The following TRIP11 variants were observed in gnomAD, a reference collection of about 807,000 sequenced individuals.
The protein encoded by TRIP11 is thyroid receptor-interacting protein 11.
TRIP11 carries 148 observed loss-of-function variants against 223.1 expected under a neutral mutation model. That is an observed-to-expected ratio of 0.66 (90% CI 0.58 to 0.76). The LOEUF is 0.76. Ranked by LOEUF, TRIP11 falls within the 30% of genes least tolerant of loss-of-function variation. TRIP11 has a pLI of 0.00. For missense variants in TRIP11, 2,043 were observed against 2,222.0 expected, an observed-to-expected ratio of 0.92 and a Z score of 1.62; for synonymous variants, 762 against 772.6, an observed-to-expected ratio of 0.99 and a Z score of 0.23.
intron 5 of TRIP11, among the ~76,000 whole-genome samples, chr14:92,016,332 C>T (rs1003942052): frequency 4.6e-5 from 7 of 152,144 alleles, no homozygotes; most frequent in Admixed American, 2.6e-4. Flanking sequence ...CTGTGTCTCT[C>T]GCAGGAACCT....
chr14:91,976,819 A>G (rs991726302), intron 16 of TRIP11, among the ~76,000 whole-genome samples: 2 of 152,236 alleles, frequency 1.3e-5, no homozygotes, highest in Non-Finnish European at 2.9e-5. Context: ...TTAAAAAGGA[A>G]GCAAAATCCA....
At chr14:92,035,478 C>G (rs1329350562) in intron 1 of TRIP11, among the ~76,000 whole-genome samples, 1 of 150,792 alleles carries the variant, frequency 6.6e-6, no homozygotes, top group Non-Finnish European at 1.5e-5. Context: ...CTGGGCCATA[C>G]TGGAAGAACT....
rs554457054 is a variant in TRIP11 at position 92,004,023 on chromosome 14, G to C, written c.3953C>G (p.Ser1318Cys). 1.9e-4 allele frequency: 312 copies of C among 1,614,166 alleles called. No individual in the cohort carries two copies. Among genetic ancestry groups the C allele is most frequent in the Non-Finnish European group, 2.5e-4 (299 of 1,180,030 alleles). The change falls in exon 11 of 21, where the codon TCT (serine) becomes TGT (cysteine). Residue 1318 changes from serine (S) to cysteine (C), a missense_variant. Coordinates refer to ENST00000267622, the MANE Select transcript of TRIP11 (RefSeq NM_004239.4). ...KLDIISPQLS[S>C]ASLLTPQSAE... ...AGACTGGGGAGTAAGCAATGATGCA[G>C]AAGACAGCTGGGGTGAAATAATATC...
intron 1 of TRIP11, 56 bp downstream of exon 1, chr14:92,039,491 A>C (rs1477111310): frequency 3.8e-6 from 6 of 1,599,112 alleles, no homozygotes; most frequent in Non-Finnish European, 5.1e-6. Flanking sequence ...GTAGGGACCA[A>C]ACGGACGTTC....
chr14:91,975,938 A>C (rs1244842360), intron 17 of TRIP11, among the ~76,000 whole-genome samples, 170 bp downstream of exon 17: 13 of 152,206 alleles, frequency 8.5e-5, no homozygotes, highest in Admixed American at 8.5e-4. Flanking sequence ...AAAGAAGGTA[A>C]GTGATTCTGC....
At chr14:92,010,892 A>G in intron 9 of TRIP11, 94 bp downstream of exon 9, 1 of 1,170,804 alleles carries the variant, frequency 8.5e-7, no homozygotes, top group Non-Finnish European at 1.3e-6. Context: ...CTTGAGCTCA[A>G]TTACTCAACA....
chr14:91,982,267 A>G (rs995941935), intron 16 of TRIP11, among the ~76,000 whole-genome samples: 1 of 152,226 alleles, frequency 6.6e-6, no homozygotes, highest in Non-Finnish European at 1.5e-5. Context: ...ATTTCTCCAT[A>G]TTGAAACAGA....
At chr14:92,026,927 C>T (rs1335177692) in intron 2 of TRIP11, 13 of 1,314,108 alleles carry the variant, frequency 9.9e-6, no homozygotes, top group Middle Eastern at 2.6e-4. Flanking sequence ...AAAAGGCCGC[C>T]GCGACCTATT....
chr14:91,994,258 CTTTTTTTT>C (rs539125037), intron 14 of TRIP11, among the ~76,000 whole-genome samples: 1 of 127,452 alleles, frequency 7.8e-6, no homozygotes, highest in Non-Finnish European at 1.6e-5. Context: ...ACCTCAAAAA[CTTTTTTTT>C]TTTTTTTTTT....
chr14:92,026,622 G>A (rs375406576), intron 2 of TRIP11: 19 of 1,228,704 alleles, frequency 1.5e-5, no homozygotes, highest in East Asian at 1.4e-4. Flanking sequence ...ACTTAAAGGA[G>A]AAGAAGGAAG....
rs747678138 is a variant in TRIP11 at position 92,006,445 on chromosome 14, T to C, written c.1531A>G (p.Met511Val). Residue 511 changes from methionine (M) to valine (V), a missense_variant, in exon 11 of 21, where the codon ATG becomes GTG. Physicochemically the swap from Met to Val is conservative, Grantham distance 21. Transcript: ENST00000267622. ...GATAGCTGATCTTTTATCAAAATCA[T>C]GTGCTGAAAGAAAAATTTGCATGGT... ...DRQNQEATKH[M>V]ILIKDQLSKQ... The C allele has an allele frequency of 4.3e-6, 7 of 1,612,250 alleles. No individual in the cohort carries two copies. In the South Asian group the frequency reaches 4.4e-5, roughly 10 times the overall value.
At chr14:91,993,453 G>A (rs1186655324) in intron 15 of TRIP11, among the ~76,000 whole-genome samples, 5 of 133,138 alleles carry the variant, frequency 3.8e-5, no homozygotes, top group African/African-American at 1.2e-4. Flanking sequence ...TCCAGCCTGG[G>A]TAACAAGAGT....
chr14:92,039,458 T>A (rs2057359238), intron 1 of TRIP11, 89 bp downstream of exon 1: 1 of 1,439,514 alleles, frequency 6.9e-7, no homozygotes, highest in South Asian at 1.2e-5. Context: ...TTGCGACCTG[T>A]CCGCGTCTCC....
intron 15 of TRIP11, among the ~76,000 whole-genome samples, chr14:91,990,039 C>T (rs1170037584): frequency 6.6e-6 from 1 of 152,074 alleles, no homozygotes; most frequent in Non-Finnish European, 1.5e-5. Context: ...GCTTATCCAG[C>T]GGCTGCAATC....
At chr14:91,995,601 C>CTTTAT (rs1335032985) in intron 13 of TRIP11, 86 bp from the exon 14 acceptor site, 12 of 1,304,112 alleles carry the variant, frequency 9.2e-6, no homozygotes, top group Admixed American at 2.1e-5. Context: ...CATCTTATTA[C>CTTTAT]TTTATTTTAT....
intron 19 of TRIP11, among the ~76,000 whole-genome samples, chr14:91,973,311 A>G (rs996656640): frequency 2.0e-5 from 3 of 152,178 alleles, no homozygotes; most frequent in Non-Finnish European, 4.4e-5. Context: ...GGCGTGAGCC[A>G]CCACACCTGG....
At chr14:91,982,407 AT>A (rs767622374) in intron 16 of TRIP11, among the ~76,000 whole-genome samples, 10 of 152,270 alleles carry the variant, frequency 6.6e-5, no homozygotes, top group Admixed American at 5.2e-4. Flanking sequence ...GGAGCCACAC[AT>A]TGGGTACATA....
intron 6 of TRIP11, 35 bp downstream of exon 6, chr14:92,015,661 A>G: frequency 1.3e-6 from 2 of 1,534,590 alleles, no homozygotes; most frequent in South Asian, 2.4e-5. Flanking sequence ...CCATCTCAAA[A>G]AAAATAATAA....
intron 9 of TRIP11, among the ~76,000 whole-genome samples, chr14:92,009,669 G>C (rs2056947772): frequency 6.6e-6 from 1 of 152,194 alleles, no homozygotes; most frequent in Non-Finnish European, 1.5e-5. Context: ...ACAATACACA[G>C]TGTAGTGCCC....
Sources: gnomAD v4.1 joint callset for allele counts (sites outside exome capture counted in the v4.1 genomes callset) on GRCh38, gnomAD v4.1.1 for gene constraint, MANE v1.5 for transcripts, NCBI Gene and HGNC (gene_info 2026-07-23, HGNC 2026-07-21) for gene names.